Variants in SND1 observed in about 807,000 individuals in gnomAD.
The protein encoded by SND1 is staphylococcal nuclease and tudor domain containing 1, also known as staphylococcal nuclease domain-containing protein 1.
SND1 carries 38 observed loss-of-function variants against 121.7 expected under a neutral mutation model. That is an observed-to-expected ratio of 0.31 (90% CI 0.24 to 0.41). The LOEUF (loss-of-function observed/expected upper bound fraction) is 0.41. Ranked by LOEUF, SND1 falls within the 10% of genes least tolerant of loss-of-function variation. The pLI is 1.00. For synonymous variants in SND1, 401 were observed against 447.4 expected, an observed-to-expected ratio of 0.90 and a Z score of 1.31; for missense variants, 868 against 1,184.6, an observed-to-expected ratio of 0.73 and a Z score of 3.92.
At chr7:127,895,529 C>T (rs1563050833) in intron 13 of SND1, among the ~76,000 whole-genome samples, 1 of 152,010 alleles carries the variant, frequency 6.6e-6, no homozygotes, top group Non-Finnish European at 1.5e-5. Context: ...TTAAGTGTCA[C>T]GATCATGAGG....
chr7:127,722,704 C>T (rs923199298), intron 10 of SND1, among the ~76,000 whole-genome samples: 3 of 151,932 alleles, frequency 2.0e-5, no homozygotes, highest in Non-Finnish European at 2.9e-5. Flanking sequence ...TATAGACAGC[C>T]CGTAAGAGTA....
chr7:127,856,736 G>T (rs575762987), intron 12 of SND1, among the ~76,000 whole-genome samples: 2 of 152,276 alleles, frequency 1.3e-5, no homozygotes, highest in South Asian at 4.2e-4. Flanking sequence ...AAGCCATCAC[G>T]CATTAGGTCA....
intron 9 of SND1, among the ~76,000 whole-genome samples, chr7:127,713,220 G>C (rs1796326898): frequency 6.6e-6 from 1 of 152,224 alleles, no homozygotes; most frequent in African/African-American, 2.4e-5. Flanking sequence ...CAATATTCCA[G>C]GAAAACTTTA....
At chr7:127,663,399 G>A (rs1373390385) in intron 1 of SND1, among the ~76,000 whole-genome samples, 1 of 149,070 alleles carries the variant, frequency 6.7e-6, no homozygotes, top group Admixed American at 6.7e-5. Flanking sequence ...TTGAGATGGA[G>A]TCTCGCTCTG....
At chr7:127,922,198 T>TTTTTTTTTTTTGTTTTTG (rs1800731864) in intron 14 of SND1, among the ~76,000 whole-genome samples, 1 of 126,868 alleles carries the variant, frequency 7.9e-6, no homozygotes, top group African/African-American at 3.0e-5. Context: ...TTTTTTTTTT[T>TTTTTTTTTTTTGTTTTTG]TTTTTGTTTT....
At chr7:127,840,562 A>G (rs897128273) in intron 11 of SND1, among the ~76,000 whole-genome samples, 10 of 152,208 alleles carry the variant, frequency 6.6e-5, no homozygotes, top group African/African-American at 2.4e-4. Context: ...CTTACCCACA[A>G]ACACAAAATT....
intron 14 of SND1, among the ~76,000 whole-genome samples, chr7:127,920,337 A>G (rs1377138693): frequency 6.6e-6 from 1 of 152,178 alleles, no homozygotes; most frequent in Non-Finnish European, 1.5e-5. Flanking sequence ...GCAATCTGGG[A>G]AAGGTTGTGA....
chr7:128,030,233 T>A (rs1792542160), intron 16 of SND1: 1 of 1,614,224 alleles, frequency 6.2e-7, no homozygotes, highest in Non-Finnish European at 8.5e-7. Flanking sequence ...TAGGGATGAC[T>A]GTCAGCCAGT....
rs1233087575 is a variant in SND1, at chr7:127,840,224, T to A, written c.1243-4100T>A. Among the ~76,000 whole-genome samples, 5 of 152,214 alleles carry A rather than the reference T, an allele frequency of 3.3e-5. No individual in the cohort carries two copies. The East Asian group carries it at 9.6e-4, about 29-fold the overall frequency. On this transcript the variant is annotated intron_variant, in intron 11 of 23. Transcript: ENST00000354725. ...TAAGAAAACAGTATATAGTACCCCA[T>A]GTCTGACTAAATTATCTTTTAGAAT...
intron 12 of SND1, among the ~76,000 whole-genome samples, chr7:127,867,272 T>C (rs1488559849): frequency 6.6e-6 from 1 of 152,210 alleles, no homozygotes; most frequent in Non-Finnish European, 1.5e-5. Flanking sequence ...TCTTTTAAAA[T>C]CTTGTTTTCT....
intron 14 of SND1, among the ~76,000 whole-genome samples, chr7:127,910,193 A>G (rs535097898): frequency 1.3e-5 from 2 of 152,240 alleles, no homozygotes; most frequent in South Asian, 4.1e-4. Context: ...TAATCCCAGC[A>G]CTTTGGGAGG....
At chr7:128,002,192 A>G (rs1423792839) in intron 16 of SND1, among the ~76,000 whole-genome samples, 1 of 152,200 alleles carries the variant, frequency 6.6e-6, no homozygotes, top group Non-Finnish European at 1.5e-5. Flanking sequence ...CCAGTCAGTC[A>G]CCGCGCTGCT....
chr7:127,854,715 A>G (rs1054808358), intron 12 of SND1, among the ~76,000 whole-genome samples: 1 of 152,022 alleles, frequency 6.6e-6, no homozygotes, highest in Non-Finnish European at 1.5e-5. Context: ...GGTTACCAAT[A>G]AGCAAAACTT....
chr7:127,889,613 AT>A (rs1799973429), intron 13 of SND1, among the ~76,000 whole-genome samples: 1 of 147,568 alleles, frequency 6.8e-6, no homozygotes, highest in South Asian at 2.1e-4. Flanking sequence ...GGTCTTATTG[AT>A]TCTTTCAAGC....
Position 127,652,368 on chromosome 7 carries a change from C to A in SND1, c.-6C>A. On this transcript the variant is annotated 5_prime_UTR_variant, in exon 1 of 24. Coordinates refer to ENST00000354725, the MANE Select transcript of SND1 (RefSeq NM_014390.4). ...CGCTCCACTCGTTGCCTTTGCATCT[C>A]CACACATGGCGTCCTCCGCGCAGAG... 1 of 1,594,208 alleles carries A rather than the reference C, an allele frequency of 6.3e-7. No individual in the cohort carries two copies. The highest frequency in any genetic ancestry group is 8.5e-7 in the Non-Finnish European group (1 of 1,170,800).
chr7:127,981,020 T>G (rs1802247019), intron 15 of SND1, among the ~76,000 whole-genome samples: 1 of 152,194 alleles, frequency 6.6e-6, no homozygotes, highest in Non-Finnish European at 1.5e-5. Flanking sequence ...TTAAAATAAG[T>G]CAGAAGAAAT....
At position 128,015,053 on chromosome 7, in the gene SND1, T is replaced by C. The variant is rs1803197130; in HGVS notation, c.1779+23997T>C. 6.6e-6 allele frequency among the ~76,000 whole-genome samples: 1 copy of C among 152,236 alleles called. No individual in the cohort carries two copies. The highest frequency in any genetic ancestry group is 2.1e-4 in the South Asian group (1 of 4,832). ...CTTGCACTTGAGCGGCTTGTTTGCC[T>C]GGACAGGTCCAAGCTGTCTGAGCCA... On this transcript the variant is annotated intron_variant, in intron 16 of 23. Transcript: ENST00000354725. This position sits in a 1 kb window ranked among gnomAD's most constrained non-coding sequence, Gnocchi z 4.5.
At position 128,052,916 on chromosome 7, in the gene SND1, G is replaced by A. The variant is rs1793071082; in HGVS notation, c.1780-21586G>A. On this transcript the variant is annotated intron_variant, in intron 16 of 23. Coordinates refer to ENST00000354725, the MANE Select transcript of SND1 (RefSeq NM_014390.4). The surrounding 1 kb of genome is among the most constrained non-coding windows in gnomAD (Gnocchi z 4.6). ...TTCTAGTTTAGAGCTGGTACCTACTGTATGGATAGTGCAAGTCTAGAACAC... is the reference window on the plus strand; with the variant it reads ...TTCTAGTTTAGAGCTGGTACCTACTATATGGATAGTGCAAGTCTAGAACAC... 6.6e-6 allele frequency among the ~76,000 whole-genome samples: 1 copy of A among 152,220 alleles called. No homozygotes were observed. The highest frequency in any genetic ancestry group is 1.5e-5 in the Non-Finnish European group (1 of 68,042).
In SND1 at chr7:127,721,267, A is replaced by C. The variant is rs754381036; in HGVS notation, c.1039-20A>C. 1 of 1,581,682 alleles carries C rather than the reference A, an allele frequency of 6.3e-7. No individual in the cohort carries two copies. The highest frequency in any genetic ancestry group is 8.7e-7 in the Non-Finnish European group (1 of 1,150,862). On this transcript the variant is annotated intron_variant, in intron 9 of 23. Transcript: ENST00000354725. Reference sequence around the variant, plus strand: ...GGGGGCCATAGAAGCAGGTTTAAGCATGTTCCTTTTTGCTCACAGGTGATG... The same window carrying C: ...GGGGGCCATAGAAGCAGGTTTAAGCCTGTTCCTTTTTGCTCACAGGTGATG...
Sources: allele counts gnomAD v4.1 joint callset (sites outside exome capture counted in the v4.1 genomes callset), GRCh38; gene constraint gnomAD v4.1.1; non-coding constraint Gnocchi (gnomAD v3.1); transcripts MANE v1.5; gene names NCBI Gene and HGNC (gene_info 2026-07-23, HGNC 2026-07-21).